Variants in SMYD3 observed in about 807,000 individuals in gnomAD.
SMYD3 encodes histone-lysine N-methyltransferase SMYD3.
SMYD3 carries 36 observed loss-of-function variants against 57.7 expected under a neutral mutation model. The observed-to-expected ratio is 0.62, with a 90% CI of 0.48 to 0.82. The LOEUF is 0.82. Among genes scored for constraint, SMYD3 ranks in the 40% least tolerant of loss-of-function variants. The probability of loss-of-function intolerance (pLI) is 0.00; values close to 1 mark genes in which losing one functional copy is unlikely to be tolerated. For missense variants in SMYD3, 515 were observed against 538.8 expected (o/e 0.96, Z 0.44); for synonymous variants, 211 against 195.0 (o/e 1.08, Z -0.68).
At chr1:245,778,705 A>T (rs1176739593) in intron 10 of SMYD3, among the ~76,000 whole-genome samples, 1 of 152,226 alleles carries the variant, frequency 6.6e-6, no homozygotes, top group Non-Finnish European at 1.5e-5. Flanking sequence ...TCATTGACCT[A>T]AATACAAACT....
In SMYD3 at chr1:246,166,108, A is replaced by G. The variant is rs112497557; in HGVS notation, c.531+161093T>C. On this transcript the variant is annotated intron_variant, in intron 5 of 11. Coordinates refer to ENST00000490107, the MANE Select transcript of SMYD3 (RefSeq NM_001167740.2). ...GGTTCCCCTCCCTTTTTTAAAAAAA[A>G]AAGAAGAAGAAAAGCACTATCTGTT... 1.6e-3 allele frequency among the ~76,000 whole-genome samples: 243 copies of G among 152,164 alleles called. 1 individual carries two copies. The highest frequency in any genetic ancestry group is 5.4e-3 in the African/African-American group (225 of 41,506).
chr1:246,296,951 A>G (rs1468681547), intron 5 of SMYD3, among the ~76,000 whole-genome samples: 1 of 152,172 alleles, frequency 6.6e-6, no homozygotes, highest in Non-Finnish European at 1.5e-5. Context: ...GAAGCTAACA[A>G]TCGATGAATA....
chr1:245,904,688 C>T (rs1194618996), intron 8 of SMYD3, among the ~76,000 whole-genome samples: 1 of 152,104 alleles, frequency 6.6e-6, no homozygotes, highest in Non-Finnish European at 1.5e-5. Context: ...AACTCGTAGG[C>T]AAGTCCTACA....
At chr1:246,107,098 G>GACCATCCTGGCT (rs2061139530) in intron 5 of SMYD3, among the ~76,000 whole-genome samples, 1 of 135,222 alleles carries the variant, frequency 7.4e-6, no homozygotes, top group African/African-American at 2.9e-5. Flanking sequence ...AGGAGATCGA[G>GACCATCCTGGCT]ACCACGGTGA....
rs191090043 is a variant in SMYD3 at position 245,806,706 on chromosome 1, G to C, written c.1077-42557C>G. On this transcript the variant is annotated intron_variant, in intron 10 of 11. Coordinates refer to ENST00000490107, the MANE Select transcript of SMYD3 (RefSeq NM_001167740.2). ...CGGGTGGATCATGAGGTCAGGAGAT[G>C]GAGACCATCCTGGCTAACAAGGTGA... Among the ~76,000 whole-genome samples the C allele has an allele frequency of 4.1e-3, 620 of 151,490 alleles. 4 individuals are homozygous for C. Among genetic ancestry groups the C allele is most frequent in the Middle Eastern group, 0.017 (5 of 294 alleles).
intron 8 of SMYD3, among the ~76,000 whole-genome samples, chr1:245,902,501 T>C (rs1318896531): frequency 6.6e-6 from 1 of 152,194 alleles, no homozygotes; most frequent in African/African-American, 2.4e-5. Context: ...AGGACAGGCC[T>C]GGGTCAACCC....
Position 246,209,308 on chromosome 1 carries a change from T to C in SMYD3, c.531+117893A>G, listed in dbSNP as rs919700133. Among the ~76,000 whole-genome samples, 34 of 125,388 alleles carry C rather than the reference T, an allele frequency of 2.7e-4. 1 individual carries two copies. The highest frequency in any genetic ancestry group is 5.0e-4 in the Non-Finnish European group (31 of 61,522). The allele number at this position is 125,388 out of a possible 152,430, so 82.3% of individuals were successfully genotyped here. On this transcript the variant is annotated intron_variant, in intron 5 of 11. Transcript: ENST00000490107. The stretch of plus-strand genomic sequence containing the variant: ...GCCATCTATAAGTCATTCAGCTTGA[T>C]AGATGAATGGTTAATGAATTATACA...
At chr1:246,131,828 T>C (rs544719554) in intron 5 of SMYD3, among the ~76,000 whole-genome samples, 2 of 152,316 alleles carry the variant, frequency 1.3e-5, no homozygotes, top group African/African-American at 4.8e-5. Context: ...ACAGAACATT[T>C]TCATTAAAAT....
intron 10 of SMYD3, among the ~76,000 whole-genome samples, chr1:245,827,245 C>G (rs1277152333): frequency 6.6e-6 from 1 of 152,158 alleles, no homozygotes; most frequent in Non-Finnish European, 1.5e-5. Flanking sequence ...CTCCCTCTGA[C>G]TCTACAGCCT....
chr1:246,192,588 G>A (rs2148331187), intron 5 of SMYD3, among the ~76,000 whole-genome samples: 1 of 152,210 alleles, frequency 6.6e-6, no homozygotes, highest in East Asian at 1.9e-4. Flanking sequence ...AAGATTCGCA[G>A]TTAATGTAAA....
chr1:246,127,532 T>C (rs1216474657), intron 5 of SMYD3, among the ~76,000 whole-genome samples: 1 of 152,212 alleles, frequency 6.6e-6, no homozygotes, highest in African/African-American at 2.4e-5. Context: ...ATTTCTGTTG[T>C]CTGTAAGCAA....
At chr1:245,960,467 G>A (rs925923159) in intron 5 of SMYD3, among the ~76,000 whole-genome samples, 3 of 152,148 alleles carry the variant, frequency 2.0e-5, no homozygotes, top group African/African-American at 7.2e-5. Flanking sequence ...TAAAGAATGG[G>A]CATAGGGCTG....
intron 5 of SMYD3, among the ~76,000 whole-genome samples, chr1:245,958,096 A>G (rs553992495): frequency 6.6e-6 from 1 of 152,154 alleles, no homozygotes; most frequent in Admixed American, 6.5e-5. Flanking sequence ...GCCTGTCTAG[A>G]TTCTTTTTTT....
At chr1:245,858,458 G>A (rs201632621) in intron 10 of SMYD3, 38 bp downstream of exon 10, 26 of 1,589,968 alleles carry the variant, frequency 1.6e-5, no homozygotes, top group African/African-American at 1.2e-4. Context: ...ACGTGAAGAC[G>A]TCCTAGCCCT....
chr1:246,495,075 C>G (rs78476682), intron 1 of SMYD3, among the ~76,000 whole-genome samples: 2 of 152,236 alleles, frequency 1.3e-5, no homozygotes, highest in South Asian at 4.2e-4. Context: ...CTCTGCCGGG[C>G]GCGGTGGCTC....
At chr1:245,925,023 T>C (rs552497440) in intron 7 of SMYD3, among the ~76,000 whole-genome samples, 5 of 150,520 alleles carry the variant, frequency 3.3e-5, no homozygotes, top group East Asian at 3.9e-4. Context: ...CAAATGTTGA[T>C]TGAGGAACTT....
At chr1:246,190,551 C>T (rs1374535828) in intron 5 of SMYD3, among the ~76,000 whole-genome samples, 1 of 127,692 alleles carries the variant, frequency 7.8e-6, no homozygotes, top group Non-Finnish European at 1.6e-5. Flanking sequence ...TGCCATTGCA[C>T]TCCAACCTAG....
rs554675097 is a variant in SMYD3, at chr1:245,839,233, T to G, written c.1076+19263A>C. Among the ~76,000 whole-genome samples, 11 of 152,276 alleles carry G rather than the reference T, an allele frequency of 7.2e-5. No homozygotes were observed. The South Asian group carries it at 8.3e-4, about 11-fold the overall frequency. On this transcript the variant is annotated intron_variant, in intron 10 of 11. Coordinates refer to ENST00000490107, the MANE Select transcript of SMYD3 (RefSeq NM_001167740.2). ...CGCCCAGGCCGGACTGCAGTGGTGC[T>G]ATCTCAGCTCACTGCAAGCTCCGCC...
chr1:245,912,202 T>C (rs955913796), intron 8 of SMYD3, among the ~76,000 whole-genome samples: 38 of 152,164 alleles, frequency 2.5e-4, no homozygotes, highest in Middle Eastern at 3.4e-3. Flanking sequence ...AGTGTTTCTA[T>C]ACACCAATAA....
Sources: allele counts gnomAD v4.1 joint callset (sites outside exome capture counted in the v4.1 genomes callset), GRCh38; gene constraint gnomAD v4.1.1; transcripts MANE v1.5; gene names NCBI Gene and HGNC (gene_info 2026-07-23, HGNC 2026-07-21).